SHROOM3: variants seen among roughly 807,000 people sequenced by gnomAD.
SHROOM3 encodes the protein shroom family member 3, also known as protein Shroom3.
In SHROOM3, 47 loss-of-function variants were observed where a neutral mutation model predicts 138.6. That is an observed-to-expected ratio of 0.34 (90% CI 0.27 to 0.43). The LOEUF (loss-of-function observed/expected upper bound fraction) is 0.43, where lower values mean the gene tolerates loss of function less well. SHROOM3 is among the 20% of genes least tolerant of loss of function. The pLI is 1.00. For synonymous variants in SHROOM3, 1,062 were observed against 1,063.3 expected (o/e 1.00, Z 0.02); for missense variants, 2,491 against 2,596.5 (o/e 0.96, Z 0.88).
chr4:76,719,000 C>G (rs1720458697), intron 3 of SHROOM3, among the ~76,000 whole-genome samples: 1 of 152,178 alleles, frequency 6.6e-6, no homozygotes, highest in South Asian at 2.1e-4. Context: ...GGCACTCAGC[C>G]TCACCATCTG....
chr4:76,774,708 G>GTTTTTTTTTTTTTTTTTTTTTTTT (rs1158392432), intron 10 of SHROOM3, among the ~76,000 whole-genome samples: 2 of 133,450 alleles, frequency 1.5e-5, no homozygotes, highest in African/African-American at 2.7e-5. Context: ...GGTTTTTTGG[G>GTTTTTTTTTTTTTTTTTTTTTTTT]GTTTTTTTTT....
rs947447693 is a variant in SHROOM3 at position 76,775,528 on chromosome 4, A to T, written c.5623-3281A>T. On this transcript the variant is annotated intron_variant, in intron 10 of 10. Coordinates refer to ENST00000296043, the MANE Select transcript of SHROOM3 (RefSeq NM_020859.4). ...TAAAAGTACATCTATCATTTGATCCAGCAGTCCCACTACTGGGTATCTATC... is the reference window on the plus strand; with the variant it reads ...TAAAAGTACATCTATCATTTGATCCTGCAGTCCCACTACTGGGTATCTATC... Among the ~76,000 whole-genome samples the T allele has an allele frequency of 2.6e-5, 4 of 152,186 alleles. No individual in the cohort carries two copies. The South Asian group carries it at 8.3e-4, about 32-fold the overall frequency.
At chr4:76,635,140 G>T (rs190867276) in intron 2 of SHROOM3, among the ~76,000 whole-genome samples, 2 of 152,260 alleles carry the variant, frequency 1.3e-5, no homozygotes, top group Admixed American at 1.3e-4. Context: ...TACCCTGGAA[G>T]ACTGCAATTA....
intron 1 of SHROOM3, among the ~76,000 whole-genome samples, chr4:76,517,249 T>A (rs551777484): frequency 1.3e-4 from 20 of 152,294 alleles, no homozygotes; most frequent in African/African-American, 4.8e-4. Context: ...GTCATACCCT[T>A]GTCATCCAGG....
At chr4:76,594,867 G>T (rs771111859) in intron 2 of SHROOM3, among the ~76,000 whole-genome samples, 2 of 152,150 alleles carry the variant, frequency 1.3e-5, no homozygotes, top group Non-Finnish European at 2.9e-5. Context: ...GAACATTTGG[G>T]TGTATTGAAC....
Position 76,741,819 on chromosome 4 carries a change from G to C in SHROOM3, c.3646G>C (p.Ala1216Pro). 6.3e-7 allele frequency: 1 copy of C among 1,591,504 alleles called. No individual in the cohort carries two copies. Among genetic ancestry groups the C allele is most frequent in the South Asian group, 1.1e-5 (1 of 87,438 alleles). The change falls in exon 5 of 11, where the codon GCC (alanine) becomes CCC (proline). Residue 1216 changes from alanine to proline, a missense_variant. Physicochemically the swap from Ala to Pro is conservative, Grantham distance 27. This residue lies in a region of SHROOM3 where 1,733 missense variants were observed against 1,661.6 expected (regional missense o/e 1.04). Transcript: ENST00000296043. The surrounding 1 kb of genome is among the most constrained non-coding windows in gnomAD (Gnocchi z 6.2). ...PREPSSWGAR[A>P]GKSMSAEDLL... ...GGAGCCATCCTCCTGGGGGGCCAGG[G>C]CCGGGAAGTCCATGTCGGCCGAGGA... is the stretch of plus-strand genomic sequence containing the variant.
chr4:76,662,086 A>G (rs1718518204), intron 2 of SHROOM3, among the ~76,000 whole-genome samples: 1 of 152,298 alleles, frequency 6.6e-6, no homozygotes, highest in South Asian at 2.1e-4. Flanking sequence ...TTAGCTCACA[A>G]TACTCTAGGT....
chr4:76,468,394 C>T (rs1731291725), intron 1 of SHROOM3, among the ~76,000 whole-genome samples: 1 of 152,162 alleles, frequency 6.6e-6, no homozygotes, highest in African/African-American at 2.4e-5. Context: ...TATACAAAGA[C>T]ATTTCTGCAG....
intron 1 of SHROOM3, among the ~76,000 whole-genome samples, chr4:76,471,882 G>A (rs1377919314): frequency 6.7e-6 from 1 of 148,560 alleles, no homozygotes; most frequent in Non-Finnish European, 1.5e-5. Flanking sequence ...CCTAGGAAGA[G>A]TTGGGGGTTG....
intron 2 of SHROOM3, among the ~76,000 whole-genome samples, chr4:76,623,709 A>T (rs1432312491): frequency 6.6e-6 from 1 of 152,236 alleles, no homozygotes; most frequent in Non-Finnish European, 1.5e-5. Flanking sequence ...TTTCAAGATT[A>T]TTATGCCTCT....
chr4:76,747,994 A>C (rs1400117245), intron 5 of SHROOM3, among the ~76,000 whole-genome samples: 2 of 149,384 alleles, frequency 1.3e-5, no homozygotes, highest in African/African-American at 5.1e-5. Context: ...ATTAAGTTAC[A>C]AAAAAAAAGT....
In SHROOM3 at chr4:76,741,267, G is replaced by A. The variant is rs151102508; in HGVS notation, c.3094G>A (p.Val1032Met). 107 of 1,611,888 alleles carry A rather than the reference G, an allele frequency of 6.6e-5. No individual in the cohort carries two copies. Among genetic ancestry groups the A allele is most frequent in the Non-Finnish European group, 8.6e-5 (101 of 1,179,658 alleles). Reference protein sequence around the residue: ...EPEKMNEVGIVEEAEPAPLGP... With the variant: ...EPEKMNEVGIMEEAEPAPLGP... ...CGAGAAGATGAACGAGGTGGGGATC[G>A]TGGAGGAGGCCGAACCGGCACCCCT... Residue 1032 changes from valine (V) to methionine (M), a missense_variant, in exon 5 of 11, where the codon GTG (valine) becomes ATG (methionine). Physicochemically the swap from Val to Met is conservative, Grantham distance 21. Coordinates refer to ENST00000296043, the MANE Select transcript of SHROOM3 (RefSeq NM_020859.4). The surrounding 1 kb of genome is among the most constrained non-coding windows in gnomAD (Gnocchi z 6.2).
At chr4:76,704,496 T>C (rs1719994155) in intron 2 of SHROOM3, among the ~76,000 whole-genome samples, 1 of 151,898 alleles carries the variant, frequency 6.6e-6, no homozygotes, top group East Asian at 1.9e-4. Context: ...AACTAAGGAG[T>C]GGTCAGCCAA....
chr4:76,721,929 G>C (rs1486654787), intron 3 of SHROOM3, among the ~76,000 whole-genome samples: 2 of 152,118 alleles, frequency 1.3e-5, no homozygotes, highest in African/African-American at 4.8e-5. Context: ...TTTTGATGAT[G>C]CATACATGGT....
chr4:76,576,838 A>C (rs2110041240), intron 2 of SHROOM3, among the ~76,000 whole-genome samples: 1 of 152,216 alleles, frequency 6.6e-6, no homozygotes, highest in Non-Finnish European at 1.5e-5. Flanking sequence ...AAGATGGTAA[A>C]TTTTGTTATA....
intron 2 of SHROOM3, among the ~76,000 whole-genome samples, chr4:76,610,717 C>T (rs1734742704): frequency 6.6e-6 from 1 of 151,310 alleles, no homozygotes; most frequent in East Asian, 1.9e-4. Flanking sequence ...ATTTTTAAAG[C>T]TGTTGGCATC....
In SHROOM3 at chr4:76,756,970, A is replaced by G. The variant is rs201410746; in HGVS notation, c.5198+33A>G. 1.0e-3 allele frequency: 1,625 copies of G among 1,613,236 alleles called. 4 individuals carry two copies. Among genetic ancestry groups the G allele is most frequent in the Non-Finnish European group, 1.3e-3 (1,550 of 1,180,022 alleles). ...CCTGGTGATGTCCTCAGAGAGACTT[A>G]CAATCACACTCCTTCCATGGGGATG... On this transcript the variant is annotated intron_variant, in intron 8 of 10. Coordinates refer to ENST00000296043, the MANE Select transcript of SHROOM3 (RefSeq NM_020859.4).
chr4:76,482,329 G>A (rs752297615), intron 1 of SHROOM3, among the ~76,000 whole-genome samples: 8 of 151,996 alleles, frequency 5.3e-5, no homozygotes, highest in African/African-American at 9.7e-5. Flanking sequence ...AAATCAATGC[G>A]GAAAAATCAC....
At chr4:76,678,144 TTTCTGTTTTTCC>T (rs1719094083) in intron 2 of SHROOM3, among the ~76,000 whole-genome samples, 1 of 152,196 alleles carries the variant, frequency 6.6e-6, no homozygotes, top group Non-Finnish European at 1.5e-5. Context: ...CTACATTTAA[TTTCTGTTTTTCC>T]TTTGAGAGCC....
Sources: allele counts gnomAD v4.1 joint callset (sites outside exome capture counted in the v4.1 genomes callset), GRCh38; gene constraint gnomAD v4.1.1; regional missense constraint gnomAD v4.1.1; non-coding constraint Gnocchi (gnomAD v3.1); transcripts MANE v1.5; gene names NCBI Gene and HGNC (gene_info 2026-07-23, HGNC 2026-07-21).